The following SNTG1 variants were observed in gnomAD, a reference collection of about 807,000 sequenced individuals.
The protein encoded by SNTG1 is gamma-1-syntrophin.
SNTG1 carries 39 observed loss-of-function variants against 74.7 expected under a neutral mutation model. The ratio of observed to expected loss-of-function variants is 0.52; its 90% CI spans 0.40 to 0.68. SNTG1 has a LOEUF of 0.68. SNTG1 is among the 30% of genes least tolerant of loss of function. The pLI, the probability that SNTG1 is intolerant of heterozygous loss-of-function variation, is 0.00. For synonymous variants in SNTG1, 254 were observed against 217.1 expected, an observed-to-expected ratio of 1.17 and a Z score of -1.49; for missense variants, 685 against 609.5, an observed-to-expected ratio of 1.12 and a Z score of -1.30.
chr8:50,200,092 CA>C (rs1207261349), intron 2 of SNTG1, among the ~76,000 whole-genome samples: 1 of 152,130 alleles, frequency 6.6e-6, no homozygotes, highest in Non-Finnish European at 1.5e-5. Flanking sequence ...GACATAATAA[CA>C]GCAAATATTT....
At chr8:50,505,623 T>C (rs1412597258) in intron 9 of SNTG1, among the ~76,000 whole-genome samples, 1 of 152,146 alleles carries the variant, frequency 6.6e-6, no homozygotes, top group South Asian at 2.1e-4. Flanking sequence ...AAGCGTCTTT[T>C]CACATATTTA....
At chr8:50,236,490 G>T (rs1447639392) in intron 2 of SNTG1, among the ~76,000 whole-genome samples, 1 of 131,566 alleles carries the variant, frequency 7.6e-6, no homozygotes, top group Admixed American at 9.2e-5. Context: ...TCGCTCTTTA[G>T]GCCAGGCTGG....
intron 2 of SNTG1, among the ~76,000 whole-genome samples, chr8:50,273,241 C>T (rs2130313808): frequency 6.6e-6 from 1 of 152,152 alleles, no homozygotes; most frequent in Middle Eastern, 3.4e-3. Flanking sequence ...CTTCAGAATA[C>T]AATTGTGAAG....
chr8:50,075,192 C>G (rs1821741477), intron 1 of SNTG1, among the ~76,000 whole-genome samples: 1 of 152,210 alleles, frequency 6.6e-6, no homozygotes, highest in African/African-American at 2.4e-5. Context: ...CCAATGGGAG[C>G]TGTCCCCTGC....
chr8:50,013,330 T>C (rs769787875), intron 1 of SNTG1, among the ~76,000 whole-genome samples: 3 of 152,146 alleles, frequency 2.0e-5, no homozygotes, highest in Non-Finnish European at 2.9e-5. Context: ...CATAGACTTT[T>C]ATTTGCATTT....
At chr8:50,127,081 G>A (rs1563631738) in intron 1 of SNTG1, among the ~76,000 whole-genome samples, 1 of 152,126 alleles carries the variant, frequency 6.6e-6, no homozygotes, top group Non-Finnish European at 1.5e-5. Flanking sequence ...ACAGAAAAAT[G>A]TTAGGTATAA....
intron 15 of SNTG1, among the ~76,000 whole-genome samples, chr8:50,683,380 A>T (rs1274476836): frequency 1.3e-5 from 2 of 152,184 alleles, no homozygotes; most frequent in Non-Finnish European, 1.5e-5. Context: ...TGGAATGAAC[A>T]TTCTTTAGTC....
intron 13 of SNTG1, among the ~76,000 whole-genome samples, chr8:50,613,819 C>T (rs545819385): frequency 2.2e-4 from 33 of 152,048 alleles, no homozygotes; most frequent in Non-Finnish European, 3.5e-4. Flanking sequence ...ATTATAGGAA[C>T]GATAACATAA....
chr8:50,027,791 C>T (rs1817394414), intron 1 of SNTG1, among the ~76,000 whole-genome samples: 1 of 152,208 alleles, frequency 6.6e-6, no homozygotes, highest in Admixed American at 6.5e-5. Flanking sequence ...TTGTAAATAG[C>T]ACCTGTTCAG....
intron 2 of SNTG1, among the ~76,000 whole-genome samples, chr8:50,219,383 T>C (rs2084948802): frequency 6.6e-6 from 1 of 152,168 alleles, no homozygotes; most frequent in Non-Finnish European, 1.5e-5. Flanking sequence ...TAAGAAGATA[T>C]AAGCCATTGT....
At chr8:50,152,347 T>G (rs1033821940) in intron 1 of SNTG1, among the ~76,000 whole-genome samples, 3 of 152,218 alleles carry the variant, frequency 2.0e-5, no homozygotes, top group African/African-American at 7.2e-5. Flanking sequence ...CTGATGGGTC[T>G]TGACTCTTTA....
At chr8:50,098,829 A>C (rs1388520380) in intron 1 of SNTG1, among the ~76,000 whole-genome samples, 2 of 152,126 alleles carry the variant, frequency 1.3e-5, no homozygotes, top group East Asian at 3.9e-4. Context: ...CTAGGTTTTG[A>C]AGATTTTGTG....
intron 11 of SNTG1, among the ~76,000 whole-genome samples, chr8:50,540,059 G>A (rs550385659): frequency 1.3e-5 from 2 of 152,226 alleles, no homozygotes; most frequent in South Asian, 4.2e-4. Flanking sequence ...GAAGTCCCTA[G>A]CCATTCATGC....
chr8:50,626,319 T>A (rs999538481), intron 13 of SNTG1, among the ~76,000 whole-genome samples: 3 of 152,148 alleles, frequency 2.0e-5, no homozygotes, highest in African/African-American at 7.2e-5. Context: ...AAGTGGAGAT[T>A]CCATAGTTCA....
intron 2 of SNTG1, among the ~76,000 whole-genome samples, chr8:50,217,709 C>T (rs2084862770): frequency 6.6e-6 from 1 of 152,140 alleles, no homozygotes; most frequent in Admixed American, 6.6e-5. Flanking sequence ...CTCTTCATAA[C>T]AACTCTTCAA....
At chr8:50,761,205 G>A (rs189425772) in intron 18 of SNTG1, among the ~76,000 whole-genome samples, 2 of 152,130 alleles carry the variant, frequency 1.3e-5, no homozygotes, top group Admixed American at 6.6e-5. Flanking sequence ...CTGGGATCAA[G>A]GCTGTTTCAA....
chr8:50,394,338 T>C (rs529514934), intron 3 of SNTG1, 73 bp downstream of exon 3: 11 of 1,485,962 alleles, frequency 7.4e-6, no homozygotes, highest in East Asian at 4.7e-5. Flanking sequence ...CTCCAATTTA[T>C]ATAGGGAAAT....
intron 1 of SNTG1, among the ~76,000 whole-genome samples, chr8:50,118,779 C>T (rs1044245601): frequency 1.4e-5 from 2 of 142,446 alleles, no homozygotes; most frequent in Non-Finnish European, 3.1e-5. Context: ...AAATTACCAG[C>T]TTTTTATCAT....
intron 1 of SNTG1, among the ~76,000 whole-genome samples, chr8:50,125,312 A>G (rs2131372434): frequency 7.0e-6 from 1 of 142,908 alleles, no homozygotes; most frequent in East Asian, 2.0e-4. Context: ...AACTATAATC[A>G]ACACTTGTTT....
Sources: gnomAD v4.1 joint callset for allele counts (sites outside exome capture counted in the v4.1 genomes callset) on GRCh38, gnomAD v4.1.1 for gene constraint, MANE v1.5 for transcripts, NCBI Gene and HGNC (gene_info 2026-07-23, HGNC 2026-07-21) for gene names.